The following TMEM178B variants were observed in gnomAD, a reference collection of about 807,000 sequenced individuals.
The protein encoded by TMEM178B is transmembrane protein 178B.
TMEM178B carries 5 observed loss-of-function variants against 31.0 expected under a neutral mutation model. That is an observed-to-expected ratio of 0.16 (90% CI 0.08 to 0.34). The LOEUF is 0.34. Ranked by LOEUF, TMEM178B falls within the 10% of genes least tolerant of loss-of-function variation. The pLI is 1.00. For synonymous variants in TMEM178B, 164 were observed against 164.0 expected (o/e 1.00, Z 0.00); for missense variants, 275 against 400.3 (o/e 0.69, Z 2.67).
chr7:141,237,657 T>C (rs1016008701), intron 2 of TMEM178B, among the ~76,000 whole-genome samples: 11 of 152,156 alleles, frequency 7.2e-5, no homozygotes, highest in Admixed American at 1.3e-4. Context: ...GTATTTAATC[T>C]TATAAACATA....
At chr7:141,449,532 A>C (rs984441709) in intron 3 of TMEM178B, among the ~76,000 whole-genome samples, 6 of 152,186 alleles carry the variant, frequency 3.9e-5, no homozygotes, top group African/African-American at 1.2e-4. Context: ...GGAGGATGGA[A>C]TCGAAGCCAC....
At chr7:141,097,446 A>G (rs1240544345) in intron 1 of TMEM178B, among the ~76,000 whole-genome samples, 1 of 151,206 alleles carries the variant, frequency 6.6e-6, no homozygotes, top group Non-Finnish European at 1.5e-5. Context: ...AGTAATCTGT[A>G]TGTATTTATA....
At chr7:141,496,679 A>AG in the TMEM178B span, among the ~76,000 whole-genome samples, 7 of 150,940 alleles carry the variant, frequency 4.6e-5, no homozygotes, top group Admixed American at 3.3e-4. Context: ...CAAAAAAAAA[A>AG]AAAAAAAAAA....
chr7:141,456,216 C>A (rs563872464), intron 3 of TMEM178B, among the ~76,000 whole-genome samples: 102 of 152,300 alleles, frequency 6.7e-4, no homozygotes, highest in Admixed American at 2.2e-3. Context: ...GAGAGAATGG[C>A]ACCTTCTTAC....
intron 1 of TMEM178B, among the ~76,000 whole-genome samples, chr7:141,180,633 A>G (rs1038274219): frequency 5.3e-5 from 8 of 152,144 alleles, no homozygotes; most frequent in Admixed American, 1.3e-4. Flanking sequence ...TTGTAGACTT[A>G]TTGTATCACA....
intron 1 of TMEM178B, among the ~76,000 whole-genome samples, chr7:141,086,061 G>A (rs544172779): frequency 2.4e-4 from 37 of 152,110 alleles, no homozygotes; most frequent in East Asian, 1.5e-3. Flanking sequence ...TTTTGAGACC[G>A]AGTCTTACTC....
At chr7:141,153,661 CAT>C (rs1796016278) in intron 1 of TMEM178B, among the ~76,000 whole-genome samples, 1 of 152,144 alleles carries the variant, frequency 6.6e-6, no homozygotes, top group Non-Finnish European at 1.5e-5. Context: ...TAAATTTTCT[CAT>C]GTGAAAAATA....
intron 2 of TMEM178B, among the ~76,000 whole-genome samples, chr7:141,386,422 A>G (rs1800431350): frequency 6.6e-6 from 1 of 152,188 alleles, no homozygotes; most frequent in Non-Finnish European, 1.5e-5. Flanking sequence ...TTTGCTTTCT[A>G]TGGAGCTGCC....
rs572076979 is a variant in TMEM178B at position 141,434,284 on chromosome 7, C to T, written c.497-3324C>T. On this transcript the variant is annotated intron_variant, in intron 2 of 3. Transcript: ENST00000565468. ...CCCAGGCAGAACCTTTGCTCCCTGGCGTCTGCAGAGCCTGGGGAACAGTAC... is the reference window on the plus strand; with the variant it reads ...CCCAGGCAGAACCTTTGCTCCCTGGTGTCTGCAGAGCCTGGGGAACAGTAC... Among the ~76,000 whole-genome samples the T allele has an allele frequency of 2.6e-3, 398 of 152,302 alleles. 1 individual carries two copies. Among genetic ancestry groups the T allele is most frequent in the African/African-American group, 9.0e-3 (375 of 41,554 alleles).
intron 2 of TMEM178B, among the ~76,000 whole-genome samples, chr7:141,406,334 T>C (rs1800883985): frequency 6.6e-6 from 1 of 152,176 alleles, no homozygotes; most frequent in Admixed American, 6.5e-5. Flanking sequence ...TTTCCATTGA[T>C]GACTTTGTTC....
Position 141,422,151 on chromosome 7 carries a change from C to G in TMEM178B, c.497-15457C>G, listed in dbSNP as rs1801223127. 6.6e-6 allele frequency among the ~76,000 whole-genome samples: 1 copy of G among 152,200 alleles called. No individual in the cohort carries two copies. The highest frequency in any genetic ancestry group is 2.1e-4 in the South Asian group (1 of 4,828). On this transcript the variant is annotated intron_variant, in intron 2 of 3. Transcript: ENST00000565468. This position sits in a 1 kb window ranked among gnomAD's most constrained non-coding sequence, Gnocchi z 4.2. ...TACCTGCTCCCTGTTAACCCTATTA[C>G]TTCTGGCTCCTCCAGGGCTGCGGTT...
intron 2 of TMEM178B, among the ~76,000 whole-genome samples, chr7:141,238,937 G>T (rs963230434): frequency 6.6e-6 from 1 of 152,184 alleles, no homozygotes. Flanking sequence ...CCAGCTTCAC[G>T]AGTAGGTTAG....
chr7:141,415,786 T>C (rs1157610885), intron 2 of TMEM178B, among the ~76,000 whole-genome samples: 2 of 152,152 alleles, frequency 1.3e-5, no homozygotes, highest in African/African-American at 4.8e-5. Context: ...TTAGAAGTTC[T>C]GAATTAGAGG....
chr7:141,105,015 G>C (rs976544412), intron 1 of TMEM178B, among the ~76,000 whole-genome samples: 4 of 152,156 alleles, frequency 2.6e-5, no homozygotes, highest in Admixed American at 1.3e-4. Flanking sequence ...CATTGAATGA[G>C]AGTCACAGAT....
chr7:141,499,221 T>G, the TMEM178B span, among the ~76,000 whole-genome samples: 1 of 152,196 alleles, frequency 6.6e-6, no homozygotes, highest in Non-Finnish European at 1.5e-5. Context: ...AAGGGATGTC[T>G]GGTAGTATTT....
intron 2 of TMEM178B, among the ~76,000 whole-genome samples, chr7:141,262,474 AATATATATATATATATATAT>A (rs10570183): frequency 7.6e-6 from 1 of 131,866 alleles, no homozygotes; most frequent in African/African-American, 3.0e-5. Context: ...AAATACATAT[AATATATATATATATATATAT>A]ATATATATAT....
chr7:141,283,740 CAGTT>C (rs1274660233), intron 2 of TMEM178B, among the ~76,000 whole-genome samples: 1 of 152,152 alleles, frequency 6.6e-6, no homozygotes, highest in African/African-American at 2.4e-5. Flanking sequence ...GACCGCATGA[CAGTT>C]GGTTAATATA....
chr7:141,204,458 A>G (rs1374925336), intron 1 of TMEM178B, among the ~76,000 whole-genome samples: 2 of 152,216 alleles, frequency 1.3e-5, no homozygotes, highest in Admixed American at 6.5e-5. Context: ...TGCTGTGGGC[A>G]CTATCAGCTT....
chr7:141,215,132 T>C (rs1040296316), intron 2 of TMEM178B, among the ~76,000 whole-genome samples: 1 of 152,012 alleles, frequency 6.6e-6, no homozygotes, highest in African/African-American at 2.4e-5. Flanking sequence ...ATTGATGACA[T>C]TAGGTGGGAA....
Sources: gnomAD v4.1 joint callset for allele counts (sites outside exome capture counted in the v4.1 genomes callset) on GRCh38, gnomAD v4.1.1 for gene constraint, Gnocchi (gnomAD v3.1) non-coding constraint, MANE v1.5 for transcripts, NCBI Gene and HGNC (gene_info 2026-07-23, HGNC 2026-07-21) for gene names.